Variants in NTNG2 observed in about 807,000 individuals in gnomAD.
The protein encoded by NTNG2 is netrin G2, also known as netrin-G2.
Under a neutral mutation model 47.6 loss-of-function variants are expected in NTNG2, and 15 were observed. That is an observed-to-expected ratio of 0.32 (90% CI 0.21 to 0.49). The LOEUF (loss-of-function observed/expected upper bound fraction) is 0.49, where lower values mean the gene tolerates loss of function less well. NTNG2 is among the 20% of genes least tolerant of loss of function. The probability of loss-of-function intolerance (pLI) is 0.99; values close to 1 mark genes in which losing one functional copy is unlikely to be tolerated. For synonymous variants in NTNG2, 307 were observed against 324.6 expected (o/e 0.95, Z 0.58); for missense variants, 578 against 764.6 (o/e 0.76, Z 2.88).
At position 132,185,243 on chromosome 9, in the gene NTNG2, G is replaced by GC. The variant is rs2131379720; in HGVS notation, c.214-12721dup. ...CCCCCGACCCCCTTCCCCACCCTGGGCCTCTGTTGGAAGCTGGCTGAGGCC... is the reference window on the plus strand; with the variant it reads ...CCCCCGACCCCCTTCCCCACCCTGGGCCCTCTGTTGGAAGCTGGCTGAGGCC... On this transcript the variant is annotated intron_variant, in intron 2 of 7. Coordinates refer to ENST00000393229, the MANE Select transcript of NTNG2 (RefSeq NM_032536.4). 2.0e-5 allele frequency among the ~76,000 whole-genome samples: 3 copies of GC among 152,288 alleles called. No individual in the cohort carries two copies. The East Asian group carries it at 5.8e-4, about 29-fold the overall frequency.
chr9:132,188,980 A>G (rs990131074), intron 2 of NTNG2, among the ~76,000 whole-genome samples: 17 of 149,342 alleles, frequency 1.1e-4, no homozygotes, highest in African/African-American at 4.0e-4. Context: ...TTAGTGGCTG[A>G]GGGCCCATCA....
Position 132,240,910 on chromosome 9 carries a change from A to T in NTNG2, c.1223A>T (p.Glu408Val), listed in dbSNP as rs747486484. 7 of 1,612,852 alleles carry T rather than the reference A, an allele frequency of 4.3e-6. No homozygotes were observed. The highest frequency in any genetic ancestry group is 1.6e-4 in the Middle Eastern group (1 of 6,062). The change falls in exon 7 of 8, where the codon GAG (glutamate) becomes GTG (valine). Residue 408 changes from glutamate to valine, a missense_variant and splice_region_variant. By Grantham distance (121) the Glu-to-Val change is moderately radical. Coordinates refer to ENST00000393229, the MANE Select transcript of NTNG2 (RefSeq NM_032536.4). ...AELDDENVCI[E>V]CNCNQIGSVH... Reference sequence around the variant, plus strand: ...CGCGCCCGTGCCCGTGTCCGTCCAGAGTGTAACTGCAACCAGATAGGCTCC... The same window carrying T: ...CGCGCCCGTGCCCGTGTCCGTCCAGTGTGTAACTGCAACCAGATAGGCTCC...
intron 2 of NTNG2, among the ~76,000 whole-genome samples, chr9:132,196,834 G>A (rs1057440901): frequency 3.9e-5 from 6 of 152,190 alleles, no homozygotes; most frequent in African/African-American, 7.2e-5. Context: ...CACCTCTGAC[G>A]CAATTGCAAG....
At chr9:132,167,902 G>A (rs1835613886) in intron 2 of NTNG2, among the ~76,000 whole-genome samples, 1 of 152,210 alleles carries the variant, frequency 6.6e-6, no homozygotes, top group African/African-American at 2.4e-5. Flanking sequence ...GGAGCGTCAG[G>A]GGAGGGCTCT....
At position 132,236,754 on chromosome 9, in the gene NTNG2, G is replaced by A. The variant is rs1171334924; in HGVS notation, c.1055-2350G>A. On this transcript the variant is annotated intron_variant, in intron 5 of 7. Coordinates refer to ENST00000393229, the MANE Select transcript of NTNG2 (RefSeq NM_032536.4). The surrounding 1 kb of genome is among the most constrained non-coding windows in gnomAD (Gnocchi z 4.3). ...CCCAGAGGGAAGCCAAGGTAGTGAC[G>A]ATCCCGGGACAGTGGCCTGCTCACC... 1.3e-5 allele frequency among the ~76,000 whole-genome samples: 2 copies of A among 152,220 alleles called. No homozygotes were observed. Among genetic ancestry groups the A allele is most frequent in the East Asian group, 1.9e-4 (1 of 5,194 alleles).
At chr9:132,229,960 C>T (rs186289583) in intron 4 of NTNG2, among the ~76,000 whole-genome samples, 184 of 152,336 alleles carry the variant, frequency 1.2e-3, no homozygotes, top group South Asian at 3.9e-3. Context: ...GGTCAGGCCT[C>T]GCCCACTCTC....
intron 3 of NTNG2, among the ~76,000 whole-genome samples, chr9:132,205,298 C>T (rs972396442): frequency 6.6e-6 from 1 of 152,158 alleles, no homozygotes; most frequent in African/African-American, 2.4e-5. Flanking sequence ...GAGAACCTGA[C>T]ACACGCTGCG....
At chr9:132,194,131 C>T (rs963004380) in intron 2 of NTNG2, among the ~76,000 whole-genome samples, 1 of 152,164 alleles carries the variant, frequency 6.6e-6, no homozygotes, top group Non-Finnish European at 1.5e-5. Context: ...GGACACCATT[C>T]AGCCCCTAGG....
Position 132,197,637 on chromosome 9 carries a change from T to C in NTNG2, c.214-329T>C, listed in dbSNP as rs1589439861. ...GTGGGAGGGCAGGTTGGGGTTGGTA[T>C]ATTACAGAGTCAGGACTCTGTATTC... On this transcript the variant is annotated intron_variant, in intron 2 of 7. Transcript: ENST00000393229. This position sits in a 1 kb window ranked among gnomAD's most constrained non-coding sequence, Gnocchi z 4.3. Among the ~76,000 whole-genome samples the C allele has an allele frequency of 2.0e-5, 3 of 152,210 alleles. No individual in the cohort carries two copies. The South Asian group carries it at 6.2e-4, about 32-fold the overall frequency.
At position 132,163,314 on chromosome 9, in the gene NTNG2, CGG is replaced by C. The variant is rs2131238911; in HGVS notation, c.-484+1077_-484+1078del. Among the ~76,000 whole-genome samples, 1 of 151,200 alleles carries C rather than the reference CGG, an allele frequency of 6.6e-6. No homozygotes were observed. Among genetic ancestry groups the C allele is most frequent in the South Asian group, 2.1e-4 (1 of 4,774 alleles). On this transcript the variant is annotated intron_variant, in intron 1 of 7. Coordinates refer to ENST00000393229, the MANE Select transcript of NTNG2 (RefSeq NM_032536.4). The surrounding 1 kb of genome is among the most constrained non-coding windows in gnomAD (Gnocchi z 7.2). ...CGCCCGCGGCCCGCCGGGACCCACC[CGG>C]GAGCTGCTGCTCGCGCCCCGCCTCC...
rs1286291451 is a variant in NTNG2, at chr9:132,236,590, G to A, written c.1055-2514G>A. On this transcript the variant is annotated intron_variant, in intron 5 of 7. Transcript: ENST00000393229. The surrounding 1 kb of genome is among the most constrained non-coding windows in gnomAD (Gnocchi z 4.3). ...CTACTGGCAGGAAGCTCTGGCGCTG[G>A]AAGCATGTTTAGAGAGGGTCTGAGG... 6.6e-6 allele frequency among the ~76,000 whole-genome samples: 1 copy of A among 152,252 alleles called. No homozygotes were observed. Among genetic ancestry groups the A allele is most frequent in the Non-Finnish European group, 1.5e-5 (1 of 68,038 alleles).
At chr9:132,201,800 G>A (rs1488192031) in intron 3 of NTNG2, among the ~76,000 whole-genome samples, 1 of 152,142 alleles carries the variant, frequency 6.6e-6, no homozygotes, top group South Asian at 2.1e-4. Flanking sequence ...TTCCCCAATG[G>A]TTATTGAATG....
chr9:132,201,410 C>T lies in NTNG2; in HGVS notation c.857+2801C>T, dbSNP rs59433440. On this transcript the variant is annotated intron_variant, in intron 3 of 7. Coordinates refer to ENST00000393229, the MANE Select transcript of NTNG2 (RefSeq NM_032536.4). ...CTCTTCAGGCGGCAGCTTGGCTTGT[C>T]GTTGAACTCGGTTGGGTTAGACGGT... 9.1e-3 allele frequency among the ~76,000 whole-genome samples: 1,381 copies of T among 152,350 alleles called. 22 individuals carry two copies. Among genetic ancestry groups the T allele is most frequent in the African/African-American group, 0.031 (1,299 of 41,580 alleles).
chr9:132,218,348 G>A lies in NTNG2; in HGVS notation c.858-8501G>A, dbSNP rs183945460. The stretch of plus-strand genomic sequence containing the variant: ...GAAGATAATAATGACATGTCATTCA[G>A]GGGATTGCTGTGAAGGGCTAATGTT... On this transcript the variant is annotated intron_variant, in intron 3 of 7. Transcript: ENST00000393229. The surrounding 1 kb of genome is among the most constrained non-coding windows in gnomAD (Gnocchi z 5.4). Among the ~76,000 whole-genome samples the A allele has an allele frequency of 6.6e-6, 1 of 152,346 alleles. No individual in the cohort carries two copies. The highest frequency in any genetic ancestry group is 6.5e-5 in the Admixed American group (1 of 15,298).
chr9:132,233,629 T>C (rs1841408731), intron 5 of NTNG2: 1 of 152,152 alleles, frequency 6.6e-6, no homozygotes, highest in Non-Finnish European at 1.5e-5. Context: ...ACAGCCCACA[T>C]CTAGGGGCTC....
In NTNG2 at chr9:132,166,502, T is replaced by G. The variant is rs879199938; in HGVS notation, c.-330T>G. The G allele has an allele frequency of 5.5e-6, 2 of 361,294 alleles. No individual in the cohort carries two copies. The highest frequency in any genetic ancestry group is 5.9e-5 in the South Asian group (2 of 34,080). 22.4% of individuals were successfully genotyped at this position (361,294 alleles called of 1,614,324 possible). A position where few individuals can be genotyped will look rare whatever the true frequency, so the allele number is the denominator to read the frequency against. On this transcript the variant is annotated 5_prime_UTR_variant, in exon 2 of 8. Transcript: ENST00000393229. ...TTCTCCTTATCCCATTTCCATCCAC[T>G]GTCACAATTTGAGAATCTGCCTGAT...
intron 3 of NTNG2, among the ~76,000 whole-genome samples, chr9:132,222,407 T>G (rs1314934853): frequency 1.3e-5 from 2 of 152,188 alleles, no homozygotes; most frequent in Non-Finnish European, 2.9e-5. Context: ...AATGGAGGGA[T>G]GAGAATGCCA....
At chr9:132,211,788 T>G (rs1420676510) in intron 3 of NTNG2, among the ~76,000 whole-genome samples, 1 of 152,196 alleles carries the variant, frequency 6.6e-6, no homozygotes, top group Admixed American at 6.5e-5. Context: ...ACCATAGCTA[T>G]GCACGTACAC....
At chr9:132,216,747 T>G (rs945205836) in intron 3 of NTNG2, among the ~76,000 whole-genome samples, 3 of 151,976 alleles carry the variant, frequency 2.0e-5, no homozygotes, top group African/African-American at 7.3e-5. Flanking sequence ...CTTGGGAAAA[T>G]TGATCCCACA....
Sources: allele counts gnomAD v4.1 joint callset (sites outside exome capture counted in the v4.1 genomes callset), GRCh38; gene constraint gnomAD v4.1.1; non-coding constraint Gnocchi (gnomAD v3.1); transcripts MANE v1.5; gene names NCBI Gene and HGNC (gene_info 2026-07-23, HGNC 2026-07-21).